Variants in RBM39 observed in about 807,000 individuals in gnomAD.
RBM39 encodes RNA binding motif protein 39, also known as RNA-binding protein 39.
A neutral mutation model predicts 79.6 loss-of-function variants in RBM39; 12 were observed. That is an observed-to-expected ratio of 0.15 (90% CI 0.10 to 0.24). RBM39 has a LOEUF of 0.24. RBM39 is among the 10% of genes least tolerant of loss of function. The pLI is 1.00. For missense variants in RBM39, 243 were observed against 653.4 expected, an observed-to-expected ratio of 0.37 and a Z score of 6.85; for synonymous variants, 185 against 208.4, an observed-to-expected ratio of 0.89 and a Z score of 0.97.
Position 35,703,129 on chromosome 20 carries a change from CAA to C in RBM39, c.*1350_*1351del, listed in dbSNP as rs1568973018. 6.6e-5 allele frequency: 10 copies of C among 151,974 alleles called. 1 individual carries two copies. The South Asian group carries it at 2.1e-3, about 32-fold the overall frequency. The allele number at this position is 151,974 out of a possible 1,614,324, so 9.4% of individuals were successfully genotyped here. A position where few individuals can be genotyped will look rare whatever the true frequency, so the allele number is the denominator to read the frequency against. On this transcript the variant is annotated 3_prime_UTR_variant, in exon 17 of 17. Coordinates refer to ENST00000253363, the MANE Select transcript of RBM39 (RefSeq NM_184234.3). ...AGCATTTCCTACTCAAAAGATTTAC[CAA>C]GAGATAAACAGTTGAAGAGAATTGA...
At chr20:35,704,829 A>T in intron 15 of RBM39, 83 bp from the exon 16 acceptor site, 1 of 1,187,470 alleles carries the variant, frequency 8.4e-7, no homozygotes. Flanking sequence ...TTGCCTGTAG[A>T]AACTTAGTGC....
intron 6 of RBM39, among the ~76,000 whole-genome samples, chr20:35,725,917 G>A (rs924515594): frequency 2.0e-5 from 3 of 152,164 alleles, no homozygotes; most frequent in Middle Eastern, 3.4e-3. Flanking sequence ...GCCCGCCTCG[G>A]CCTCCCAAAG....
chr20:35,729,796 CT>C (rs1484315916), intron 4 of RBM39, among the ~76,000 whole-genome samples: 10 of 151,222 alleles, frequency 6.6e-5, no homozygotes, highest in African/African-American at 2.4e-4. Context: ...CATTTTCAGA[CT>C]TTAGATATCT....
At chr20:35,734,732 C>T in intron 3 of RBM39, 3 of 1,103,348 alleles carry the variant, frequency 2.7e-6, no homozygotes, top group South Asian at 5.8e-5. Context: ...AAAAAGACAG[C>T]AACATACTAA....
intron 12 of RBM39, among the ~76,000 whole-genome samples, chr20:35,712,642 T>C (rs570576623): frequency 1.5e-4 from 23 of 149,074 alleles, no homozygotes; most frequent in Non-Finnish European, 2.9e-5. Context: ...ACACTCTTAC[T>C]ACTACAATAG....
At chr20:35,734,347 T>C (rs1240913395) in intron 3 of RBM39, 4 of 705,052 alleles carry the variant, frequency 5.7e-6, no homozygotes, top group African/African-American at 1.9e-5. Flanking sequence ...ATTATTTATA[T>C]AGAACTCATC....
chr20:35,732,285 A>C (rs1427143004), intron 3 of RBM39, 150 bp from the exon 4 acceptor site: 1 of 698,496 alleles, frequency 1.4e-6, no homozygotes, highest in East Asian at 2.7e-5. Flanking sequence ...ATACTTAAAA[A>C]AAAAAAAAAA....
chr20:35,734,943 A>G, intron 3 of RBM39: 1 of 1,599,850 alleles, frequency 6.3e-7, no homozygotes, highest in Non-Finnish European at 8.5e-7. Context: ...TTTTGTACTG[A>G]ACATCACTGA....
chr20:35,736,539 G>A (rs1307514185), intron 3 of RBM39: 1 of 470,306 alleles, frequency 2.1e-6, no homozygotes, highest in Non-Finnish European at 4.4e-6. Context: ...GAGAAAGACT[G>A]ACATACTTAC....
rs377305642 is a variant in RBM39, at chr20:35,734,477, T to G, written c.102-2342A>C. 4.7e-5 allele frequency: 11 copies of G among 233,372 alleles called. No homozygotes were observed. In the East Asian group the frequency reaches 5.5e-4, roughly 12 times the overall value. 14.5% of individuals were successfully genotyped at this position (233,372 alleles called of 1,614,324 possible). On this transcript the variant is annotated intron_variant, in intron 3 of 16. Coordinates refer to ENST00000253363, the MANE Select transcript of RBM39 (RefSeq NM_184234.3). Reference sequence around the variant, plus strand: ...CTGAGATTTCTAAAACCAAAAGTCCTAAATATATTCAATTAGGGAACAAGG... The same window carrying G: ...CTGAGATTTCTAAAACCAAAAGTCCGAAATATATTCAATTAGGGAACAAGG...
intron 6 of RBM39, among the ~76,000 whole-genome samples, chr20:35,726,973 C>A (rs978611887): frequency 6.6e-6 from 1 of 151,236 alleles, no homozygotes; most frequent in African/African-American, 2.4e-5. Flanking sequence ...TACACGCACG[C>A]GCCACTACAT....
intron 2 of RBM39, chr20:35,739,363 T>G (rs1445440161): frequency 2.2e-6 from 1 of 464,532 alleles, no homozygotes; most frequent in South Asian, 1.6e-5. Context: ...TGAGTTTTAT[T>G]CCATGTGCTA....
At position 35,713,184 on chromosome 20, in the gene RBM39, A is replaced by T; in HGVS notation, c.1097-88T>A. On this transcript the variant is annotated intron_variant, in intron 11 of 16. Transcript: ENST00000253363. ...TCATTAATATCATGATCACTTCACT[A>T]AAATAAATTGCAAGGAGGGCCGAGT... 3 of 1,167,546 alleles carry T rather than the reference A, an allele frequency of 2.6e-6. No homozygotes were observed. The South Asian group carries it at 4.1e-5, about 16-fold the overall frequency. The allele number at this position is 1,167,546 out of a possible 1,614,324, so 72.3% of individuals were successfully genotyped here.
rs2035325279 is a variant in RBM39 at position 35,702,395 on chromosome 20, C to T, written c.*2086G>A. On this transcript the variant is annotated 3_prime_UTR_variant, in exon 17 of 17. Coordinates refer to ENST00000253363, the MANE Select transcript of RBM39 (RefSeq NM_184234.3). ...TATTCAAGTTACTACACTCCAACCACATTTCCTCTGAACATTATTTACACA... is the reference window on the plus strand; with the variant it reads ...TATTCAAGTTACTACACTCCAACCATATTTCCTCTGAACATTATTTACACA... The T allele has an allele frequency of 6.6e-6, 1 of 152,246 alleles. No homozygotes were observed. Among genetic ancestry groups the T allele is most frequent in the East Asian group, 1.9e-4 (1 of 5,200 alleles). 9.4% of individuals were successfully genotyped at this position (152,246 alleles called of 1,614,324 possible).
In RBM39 at chr20:35,741,958, C is replaced by T. The variant is rs768149759; in HGVS notation, c.-31G>A. 1 of 224,006 alleles carries T rather than the reference C, an allele frequency of 4.5e-6. No homozygotes were observed. Among genetic ancestry groups the T allele is most frequent in the Non-Finnish European group, 8.9e-6 (1 of 112,206 alleles). The allele number at this position is 224,006 out of a possible 1,614,324, so 13.9% of individuals were successfully genotyped here. On this transcript the variant is annotated 5_prime_UTR_variant, in exon 1 of 17. Transcript: ENST00000253363. ...CCCCGTACCTGTTCCGGCCTTCGGG[C>T]GCCTGTGGTGCTCGTGTTCGGGAAG...
chr20:35,721,491 T>C (rs1437998411), intron 9 of RBM39, among the ~76,000 whole-genome samples: 1 of 152,210 alleles, frequency 6.6e-6, no homozygotes, highest in Non-Finnish European at 1.5e-5. Flanking sequence ...GCCCAGCCAA[T>C]GTGGACTTTT....
At chr20:35,735,180 G>T in intron 3 of RBM39, 1 of 1,360,906 alleles carries the variant, frequency 7.3e-7, no homozygotes, top group Non-Finnish European at 9.5e-7. Flanking sequence ...TCATTTTAAT[G>T]TTATCTTTTA....
intron 6 of RBM39, among the ~76,000 whole-genome samples, chr20:35,725,469 C>T (rs1424975252): frequency 1.3e-5 from 2 of 152,132 alleles, no homozygotes; most frequent in South Asian, 2.1e-4. Context: ...CCCATAGCTA[C>T]GGCATTTCAC....
At chr20:35,740,354 T>TA (rs1444606857) in intron 2 of RBM39, 4 of 345,914 alleles carry the variant, frequency 1.2e-5, no homozygotes, top group African/African-American at 2.2e-5. Flanking sequence ...ATAAGACTGT[T>TA]AGAAGATTTA....
Sources: allele counts gnomAD v4.1 joint callset (sites outside exome capture counted in the v4.1 genomes callset), GRCh38; gene constraint gnomAD v4.1.1; transcripts MANE v1.5; gene names NCBI Gene and HGNC (gene_info 2026-07-23, HGNC 2026-07-21).